CNTNAP4: variants seen among roughly 807,000 people sequenced by gnomAD.
CNTNAP4 encodes the protein contactin-associated protein-like 4.
A neutral mutation model predicts 148.4 loss-of-function variants in CNTNAP4; 98 were observed. The observed-to-expected ratio is 0.66, with a 90% CI of 0.56 to 0.78. The LOEUF is 0.78. CNTNAP4 is among the 30% of genes least tolerant of loss of function. CNTNAP4 has a pLI of 0.00. For missense variants in CNTNAP4, 1,935 were observed against 1,565.6 expected, an observed-to-expected ratio of 1.24 and a Z score of -3.98; for synonymous variants, 730 against 565.1, an observed-to-expected ratio of 1.29 and a Z score of -4.14.
rs1403438074 is a variant in CNTNAP4 at position 76,438,530 on chromosome 16, T to C, written c.539-9482T>C. ...AGTAAAGACTGTACCTGAGGACATA[T>C]TGTTATATCCTAGAGCTAAGGACAA... On this transcript the variant is annotated intron_variant, in intron 4 of 23. Coordinates refer to ENST00000611870, the MANE Select transcript of CNTNAP4 (RefSeq NM_033401.5). 2.6e-5 allele frequency among the ~76,000 whole-genome samples: 4 copies of C among 152,094 alleles called. No homozygotes were observed. The East Asian group carries it at 5.8e-4, about 22-fold the overall frequency.
chr16:76,423,955 A>T (rs960776440), intron 3 of CNTNAP4, among the ~76,000 whole-genome samples: 1 of 152,104 alleles, frequency 6.6e-6, no homozygotes, highest in African/African-American at 2.4e-5. Context: ...ATACATGCCC[A>T]TTAAAAAATC....
chr16:76,414,877 A>C (rs1163133839), intron 3 of CNTNAP4, among the ~76,000 whole-genome samples: 1 of 151,204 alleles, frequency 6.6e-6, no homozygotes, highest in Non-Finnish European at 1.5e-5. Context: ...TTGTTTATTC[A>C]TGTCTCCTAT....
intron 2 of CNTNAP4, among the ~76,000 whole-genome samples, chr16:76,334,311 C>G (rs1232286135): frequency 6.6e-6 from 1 of 151,834 alleles, no homozygotes; most frequent in Non-Finnish European, 1.5e-5. Context: ...GGAAAAAAAG[C>G]CAAAATGAAA....
rs1248154434 is a variant in CNTNAP4 at position 76,306,047 on chromosome 16, ATC to A, written c.86-10365_86-10364del. The stretch of plus-strand genomic sequence containing the variant: ...GGTATATATGTATCACAGTTTCTTT[ATC>A]CAGTCCACCACTGGTGGGCACCTCG... On this transcript the variant is annotated intron_variant, in intron 1 of 23. Transcript: ENST00000611870. Among the ~76,000 whole-genome samples, 4 of 152,122 alleles carry A rather than the reference ATC, an allele frequency of 2.6e-5. No homozygotes were observed. The East Asian group carries it at 7.7e-4, about 29-fold the overall frequency.
intron 2 of CNTNAP4, among the ~76,000 whole-genome samples, chr16:76,325,228 A>T (rs1962845823): frequency 6.6e-6 from 1 of 152,222 alleles, no homozygotes; most frequent in Admixed American, 6.6e-5. Flanking sequence ...GTAGGCAAAA[A>T]AATGAAAATA....
intron 3 of CNTNAP4, among the ~76,000 whole-genome samples, chr16:76,379,443 T>G (rs1424450928): frequency 1.3e-5 from 2 of 151,898 alleles, no homozygotes; most frequent in Admixed American, 1.3e-4. Flanking sequence ...AAACTTTGTT[T>G]GGGGTTTAGA....
intron 10 of CNTNAP4, among the ~76,000 whole-genome samples, chr16:76,470,949 ATCC>A (rs2081347750): frequency 6.6e-6 from 1 of 152,014 alleles, no homozygotes; most frequent in South Asian, 2.1e-4. Context: ...TTCACACACC[ATCC>A]TCACACACGT....
rs1163459360 is a variant in CNTNAP4 at position 76,316,485 on chromosome 16, G to A, written c.158G>A (p.Ser53Asn). 1.2e-6 allele frequency: 2 copies of A among 1,613,828 alleles called. No individual in the cohort carries two copies. Among genetic ancestry groups the A allele is most frequent in the South Asian group, 1.1e-5 (1 of 91,082 alleles). Residue 53 changes from serine to asparagine, a missense_variant, in exon 2 of 24, where the codon AGT becomes AAT. Transcript: ENST00000611870. ...SFSSSSELSS[S>N]HGPGFARLNR... is the part of the protein sequence containing the mutation. The stretch of plus-strand genomic sequence containing the variant: ...AGCAGTTCTTCCGAGCTCTCCAGCA[G>A]TCATGGTCCTGGATTTGCAAGGCTG...
At chr16:76,537,044 C>A (rs1156914381) in intron 18 of CNTNAP4, among the ~76,000 whole-genome samples, 1 of 152,136 alleles carries the variant, frequency 6.6e-6, no homozygotes, top group Non-Finnish European at 1.5e-5. Context: ...CTATAATTTA[C>A]AAATCAACTT....
intron 17 of CNTNAP4, among the ~76,000 whole-genome samples, chr16:76,528,232 A>G (rs912687337): frequency 6.6e-6 from 1 of 152,150 alleles, no homozygotes; most frequent in East Asian, 1.9e-4. Context: ...TGTTGGTAAT[A>G]TTTATTAGCA....
At chr16:76,389,581 G>A (rs370086123) in intron 3 of CNTNAP4, among the ~76,000 whole-genome samples, 1 of 152,142 alleles carries the variant, frequency 6.6e-6, no homozygotes, top group Admixed American at 6.6e-5. Context: ...GGCACCTGGA[G>A]TAGCAGGGAT....
intron 3 of CNTNAP4, among the ~76,000 whole-genome samples, chr16:76,358,544 T>C (rs1036779308): frequency 6.6e-6 from 1 of 152,136 alleles, no homozygotes; most frequent in African/African-American, 2.4e-5. Context: ...GTTTAGATTA[T>C]GGAAGGATTA....
chr16:76,443,347 C>G (rs1253193628), intron 4 of CNTNAP4, among the ~76,000 whole-genome samples: 1 of 152,054 alleles, frequency 6.6e-6, no homozygotes, highest in South Asian at 2.1e-4. Flanking sequence ...TCTACTTTTC[C>G]TATTTATACA....
At chr16:76,340,816 C>G (rs993075705) in intron 2 of CNTNAP4, among the ~76,000 whole-genome samples, 1 of 152,150 alleles carries the variant, frequency 6.6e-6, no homozygotes, top group African/African-American at 2.4e-5. Flanking sequence ...TACTCTTTTT[C>G]TCTCTGCTAA....
At chr16:76,378,132 G>C (rs952116992) in intron 3 of CNTNAP4, among the ~76,000 whole-genome samples, 4 of 152,146 alleles carry the variant, frequency 2.6e-5, no homozygotes, top group African/African-American at 9.7e-5. Context: ...ATTCTAAAAA[G>C]AGGGAGGATG....
intron 21 of CNTNAP4, among the ~76,000 whole-genome samples, chr16:76,552,414 C>T (rs1414907868): frequency 2.6e-5 from 4 of 152,144 alleles, no homozygotes; most frequent in Non-Finnish European, 5.9e-5. Flanking sequence ...TCTGAGCCTT[C>T]AAAGCCTATG....
intron 1 of CNTNAP4, among the ~76,000 whole-genome samples, chr16:76,292,841 C>G (rs1226467563): frequency 6.6e-6 from 1 of 152,202 alleles, no homozygotes; most frequent in Non-Finnish European, 1.5e-5. Context: ...AAAGAAAACA[C>G]TTCAGATTTA....
At chr16:76,447,715 G>A (rs2080302177) in intron 4 of CNTNAP4, among the ~76,000 whole-genome samples, 1 of 152,186 alleles carries the variant, frequency 6.6e-6, no homozygotes, top group African/African-American at 2.4e-5. Context: ...AATGGTTTTT[G>A]TGTTAGATGA....
At chr16:76,335,430 C>T (rs902271068) in intron 2 of CNTNAP4, among the ~76,000 whole-genome samples, 1 of 152,050 alleles carries the variant, frequency 6.6e-6, no homozygotes, top group Non-Finnish European at 1.5e-5. Flanking sequence ...AGGCTTAAAA[C>T]ATAAAGGATT....
Sources: allele counts gnomAD v4.1 joint callset (sites outside exome capture counted in the v4.1 genomes callset), GRCh38; gene constraint gnomAD v4.1.1; transcripts MANE v1.5; gene names NCBI Gene and HGNC (gene_info 2026-07-23, HGNC 2026-07-21).